CCDC170: variants seen among roughly 807,000 people sequenced by gnomAD.
CCDC170 encodes coiled-coil domain containing 170.
Under a neutral mutation model 72.6 loss-of-function variants are expected in CCDC170, and 69 were observed. The ratio of observed to expected loss-of-function variants is 0.95; its 90% CI spans 0.78 to 1.16. The LOEUF (loss-of-function observed/expected upper bound fraction) is 1.16. Among genes scored for constraint, CCDC170 ranks in the 50% most tolerant of loss-of-function variants. The pLI, the probability that CCDC170 is intolerant of heterozygous loss-of-function variation, is 0.00. For synonymous variants in CCDC170, 300 were observed against 303.9 expected (o/e 0.99, Z 0.13); for missense variants, 852 against 832.5 (o/e 1.02, Z -0.29).
At chr6:151,512,971 C>T (rs1255156389) in intron 1 of CCDC170, among the ~76,000 whole-genome samples, 1 of 152,138 alleles carries the variant, frequency 6.6e-6, no homozygotes, top group Non-Finnish European at 1.5e-5. Context: ...TAAGTTGGTG[C>T]TATTTTCTAT....
At chr6:151,599,344 AAACAT>A (rs1225288285) in intron 9 of CCDC170, among the ~76,000 whole-genome samples, 7 of 152,204 alleles carry the variant, frequency 4.6e-5, no homozygotes, top group Non-Finnish European at 1.0e-4. Flanking sequence ...AAGACTTTAT[AAACAT>A]AGATTACCTC....
At chr6:151,495,522 G>A (rs1259074355) in intron 1 of CCDC170, among the ~76,000 whole-genome samples, 1 of 149,666 alleles carries the variant, frequency 6.7e-6, no homozygotes, top group Non-Finnish European at 1.5e-5. Context: ...TTTCAGACAG[G>A]GTCTCACCTT....
Position 151,549,141 on chromosome 6 carries a change from G to A in CCDC170, c.774+652G>A, listed in dbSNP as rs144104888. Among the ~76,000 whole-genome samples, 1,440 of 152,054 alleles carry A rather than the reference G, an allele frequency of 9.5e-3. 14 individuals are homozygous for A. Among genetic ancestry groups the A allele is most frequent in the African/African-American group, 0.033 (1,378 of 41,492 alleles). ...AGGATGGTCTCAATCTCCTGACCTCGTGATCTGCCCGCCTCAGCCTCCCAG... is the reference window on the plus strand; with the variant it reads ...AGGATGGTCTCAATCTCCTGACCTCATGATCTGCCCGCCTCAGCCTCCCAG... On this transcript the variant is annotated intron_variant, in intron 5 of 10. Coordinates refer to ENST00000239374, the MANE Select transcript of CCDC170 (RefSeq NM_025059.4).
intron 1 of CCDC170, among the ~76,000 whole-genome samples, chr6:151,511,611 T>C (rs1024481586): frequency 2.6e-5 from 4 of 152,218 alleles, no homozygotes; most frequent in African/African-American, 7.2e-5. Flanking sequence ...GTTCATTTAT[T>C]AATGCCCAAC....
intron 9 of CCDC170, among the ~76,000 whole-genome samples, chr6:151,605,869 G>A (rs1359982945): frequency 6.6e-6 from 1 of 151,366 alleles, no homozygotes; most frequent in Non-Finnish European, 1.5e-5. Flanking sequence ...GGGGTTCCGG[G>A]GGACAGTGCC....
intron 9 of CCDC170, among the ~76,000 whole-genome samples, chr6:151,599,683 A>G (rs1458103460): frequency 6.6e-6 from 1 of 152,152 alleles, no homozygotes; most frequent in East Asian, 1.9e-4. Flanking sequence ...GAGCAGAATG[A>G]GGCTGTGGTC....
In CCDC170 at chr6:151,618,132, A is replaced by C; in HGVS notation, c.2133A>C (p.Leu711Phe). 1 of 1,614,072 alleles carries C rather than the reference A, an allele frequency of 6.2e-7. No homozygotes were observed. The highest frequency in any genetic ancestry group is 8.5e-7 in the Non-Finnish European group (1 of 1,179,992). ...AAGAGAGGCACCCACAAGGCCATTT[A>C]CAGCTTCTTCATTGAACACTGTATC... ...TGQERHPQGH[L>F]QLLH The change falls in exon 11 of 11, where the codon TTA becomes TTC. Residue 711 changes from leucine (L) to phenylalanine (F), a missense_variant. Transcript: ENST00000239374.
At chr6:151,602,635 A>G (rs1776725704) in intron 9 of CCDC170, among the ~76,000 whole-genome samples, 1 of 152,030 alleles carries the variant, frequency 6.6e-6, no homozygotes, top group African/African-American at 2.4e-5. Context: ...TAAGTGTTTG[A>G]CAGTTCCTTC....
Position 151,585,888 on chromosome 6 carries a change from G to C in CCDC170, c.1093-1G>C. 4 of 1,612,880 alleles carry C rather than the reference G, an allele frequency of 2.5e-6. No individual in the cohort carries two copies. The highest frequency in any genetic ancestry group is 3.4e-6 in the Non-Finnish European group (4 of 1,179,430). On this transcript the variant is annotated splice_acceptor_variant, in intron 6 of 10. Coordinates refer to ENST00000239374, the MANE Select transcript of CCDC170 (RefSeq NM_025059.4). LOFTEE classifies it high-confidence loss of function. ...TTCTTGATCTGTTTCTTTGTTTCCA[G>C]ATGGTCTCCCAGCTTGAAGCCCAAA...
At chr6:151,561,328 T>C (rs1456580258) in intron 5 of CCDC170, among the ~76,000 whole-genome samples, 1 of 152,166 alleles carries the variant, frequency 6.6e-6, no homozygotes, top group Non-Finnish European at 1.5e-5. Context: ...ACTTTGTACT[T>C]ATGTGTGCTT....
intron 1 of CCDC170, among the ~76,000 whole-genome samples, chr6:151,514,796 G>T (rs573258250): frequency 2.0e-5 from 3 of 152,162 alleles, no homozygotes; most frequent in African/African-American, 7.2e-5. Context: ...AAAGTGAGTC[G>T]GAAGGGAGAG....
At chr6:151,582,970 G>C (rs1776399065) in intron 6 of CCDC170, among the ~76,000 whole-genome samples, 1 of 142,592 alleles carries the variant, frequency 7.0e-6, no homozygotes, top group African/African-American at 2.6e-5. Flanking sequence ...GTATCAGTGT[G>C]TTTACTGGAG....
chr6:151,563,697 TG>T, intron 5 of CCDC170, among the ~76,000 whole-genome samples: 1 of 152,116 alleles, frequency 6.6e-6, no homozygotes. Context: ...TCTCTGTCCC[TG>T]AGAAGTTCTC....
At chr6:151,588,153 T>G (rs1163651969) in intron 7 of CCDC170, among the ~76,000 whole-genome samples, 1 of 152,130 alleles carries the variant, frequency 6.6e-6, no homozygotes, top group South Asian at 2.1e-4. Context: ...GAGAAGGTTT[T>G]TGAGTAAAAG....
In CCDC170 at chr6:151,615,476, G is replaced by A. The variant is rs1776948989; in HGVS notation, c.1744G>A (p.Asp582Asn). 1 of 1,613,936 alleles carries A rather than the reference G, an allele frequency of 6.2e-7. No individual in the cohort carries two copies. ...TTTGGAACAGACTAAAGCCATTGAA[G>A]ATCTAAACAAATCCAGAGACCAACT... ...KTLEQTKAIE[D>N]LNKSRDQLEK... The change falls in exon 10 of 11, where the codon GAT (aspartate) becomes AAT (asparagine). Residue 582 changes from aspartate (D) to asparagine (N), a missense_variant. Physicochemically the swap from Asp to Asn is conservative, Grantham distance 23 (BLOSUM62 1). Transcript: ENST00000239374.
intron 7 of CCDC170, among the ~76,000 whole-genome samples, chr6:151,588,011 A>G (rs1776479473): frequency 6.6e-6 from 1 of 152,134 alleles, no homozygotes; most frequent in Admixed American, 6.5e-5. Context: ...GAAATGAATG[A>G]GGTGCAGGGA....
intron 9 of CCDC170, among the ~76,000 whole-genome samples, chr6:151,606,144 C>T (rs1023140039): frequency 3.9e-5 from 6 of 152,208 alleles, no homozygotes; most frequent in African/African-American, 1.4e-4. Context: ...TCAGGTGATC[C>T]ACCCACCTGT....
Position 151,526,547 on chromosome 6 carries a change from C to T in CCDC170, c.58-9771C>T, listed in dbSNP as rs188542238. ...TTTTTTTTTTTTTGAGATGGAGACT[C>T]GCTCTGTCGCCAGACTGGAGTGCAG... On this transcript the variant is annotated intron_variant, in intron 1 of 10. Coordinates refer to ENST00000239374, the MANE Select transcript of CCDC170 (RefSeq NM_025059.4). Among the ~76,000 whole-genome samples, 12 of 142,096 alleles carry T rather than the reference C, an allele frequency of 8.4e-5. 1 individual carries two copies. The highest frequency in any genetic ancestry group is 4.6e-4 in the South Asian group (2 of 4,326). 93.2% of individuals were successfully genotyped at this position (142,096 alleles called of 152,430 possible). A position where few individuals can be genotyped will look rare whatever the true frequency, so the allele number is the denominator to read the frequency against.
chr6:151,572,397 A>G (rs1171284478), intron 5 of CCDC170, among the ~76,000 whole-genome samples: 1 of 152,182 alleles, frequency 6.6e-6, no homozygotes, highest in Non-Finnish European at 1.5e-5. Flanking sequence ...GGGCATCTTT[A>G]TTCAAATAAT....
Sources: gnomAD v4.1 joint callset for allele counts (sites outside exome capture counted in the v4.1 genomes callset) on GRCh38, gnomAD v4.1.1 for gene constraint, MANE v1.5 for transcripts, NCBI Gene and HGNC (gene_info 2026-07-23, HGNC 2026-07-21) for gene names.